The following ARMH4 variants were observed in gnomAD, a reference collection of about 807,000 sequenced individuals.
ARMH4 encodes armadillo like helical domain containing 4, also known as armadillo-like helical domain-containing protein 4.
ARMH4 carries 49 observed loss-of-function variants against 61.9 expected under a neutral mutation model. The observed-to-expected ratio is 0.79, with a 90% confidence interval of 0.63 to 1.00. The LOEUF (loss-of-function observed/expected upper bound fraction) is 1.00. ARMH4 is among the 50% of genes least tolerant of loss of function. ARMH4 has a pLI of 0.00. For missense variants in ARMH4, 934 were observed against 930.0 expected (o/e 1.00, Z -0.06); for synonymous variants, 368 against 341.5 (o/e 1.08, Z -0.85).
At chr14:58,012,272 T>A (rs3783689) in intron 5 of ARMH4, 122 bp from the exon 6 acceptor site, 106,242 of 533,938 alleles carry the variant, frequency 0.2, 13,320 homozygotes, top group East Asian at 0.55. Flanking sequence ...ATTAACAATA[T>A]AACATAATGA....
intron 5 of ARMH4, among the ~76,000 whole-genome samples, chr14:58,093,632 T>C (rs1885646923): frequency 1.3e-5 from 2 of 152,238 alleles, no homozygotes; most frequent in African/African-American, 4.8e-5. Flanking sequence ...AAAGAGTTTC[T>C]ACTATTTTAC....
At chr14:58,122,193 T>C (rs1394951564) in intron 4 of ARMH4, among the ~76,000 whole-genome samples, 2 of 152,218 alleles carry the variant, frequency 1.3e-5, no homozygotes, top group Non-Finnish European at 2.9e-5. Flanking sequence ...CACACTCTTC[T>C]TGATCTTTAA....
chr14:58,149,318 C>T (rs1203054192), intron 1 of ARMH4, among the ~76,000 whole-genome samples: 2 of 152,140 alleles, frequency 1.3e-5, no homozygotes, highest in Non-Finnish European at 2.9e-5. Context: ...TGCAGCTATA[C>T]TTCACCATAA....
chr14:58,092,725 C>T lies in ARMH4; in HGVS notation c.2089+3999G>A, dbSNP rs138518347. ...CATCTTCTTCTCTAACTCTGAACCT[C>T]CTACTTCCCTCTCATAAGAACCTTG... On this transcript the variant is annotated intron_variant, in intron 5 of 7. Coordinates refer to ENST00000267485, the MANE Select transcript of ARMH4 (RefSeq NM_001001872.4). 1.2e-3 allele frequency among the ~76,000 whole-genome samples: 183 copies of T among 152,236 alleles called. 1 individual carries two copies. Among genetic ancestry groups the T allele is most frequent in the Non-Finnish European group, 2.0e-3 (136 of 68,000 alleles).
chr14:58,040,048 T>C (rs531480712), intron 5 of ARMH4, among the ~76,000 whole-genome samples: 3 of 151,856 alleles, frequency 2.0e-5, no homozygotes, highest in African/African-American at 4.8e-5. Context: ...GAAAAGGAAA[T>C]GTAAATGAAC....
At chr14:58,043,544 C>A (rs908610542) in intron 5 of ARMH4, among the ~76,000 whole-genome samples, 3 of 152,180 alleles carry the variant, frequency 2.0e-5, no homozygotes, top group Non-Finnish European at 4.4e-5. Context: ...AAAACTGGCA[C>A]AAGACAGGGA....
intron 1 of ARMH4, among the ~76,000 whole-genome samples, chr14:58,143,592 T>C (rs1328751427): frequency 1.3e-5 from 2 of 151,930 alleles, no homozygotes; most frequent in African/African-American, 2.4e-5. Context: ...GCCTCCCAAA[T>C]AGGTGGGATT....
intron 5 of ARMH4, among the ~76,000 whole-genome samples, chr14:58,041,906 T>C (rs1024617324): frequency 6.6e-6 from 1 of 152,138 alleles, no homozygotes; most frequent in Admixed American, 6.5e-5. Context: ...CTATCTTAAA[T>C]ATATATGCAC....
chr14:58,138,638 A>G lies in ARMH4; in HGVS notation c.721T>C (p.Ser241Pro). The change falls in exon 2 of 8, where the codon TCC becomes CCC. Residue 241 changes from serine (S) to proline (P), a missense_variant. Ser to Pro is a moderately conservative substitution (Grantham distance 74). Transcript: ENST00000267485. Reference protein sequence around the residue: ...HRTTSFPGAESTAGSEPGSLT... With the variant: ...HRTTSFPGAEPTAGSEPGSLT... ...CTTCCAGGCTCACTGCCTGCTGTGG[A>G]CTCAGCACCAGGAAAAGAAGTTGTC... 2 of 1,614,052 alleles carry G rather than the reference A, an allele frequency of 1.2e-6. No individual in the cohort carries two copies. Among genetic ancestry groups the G allele is most frequent in the Non-Finnish European group, 8.5e-7 (1 of 1,179,976 alleles).
intron 4 of ARMH4, among the ~76,000 whole-genome samples, chr14:58,112,170 G>A (rs1435642245): frequency 6.6e-6 from 1 of 151,966 alleles, no homozygotes; most frequent in Non-Finnish European, 1.5e-5. Flanking sequence ...CTGATAAAGG[G>A]TGTCAACAAG....
At chr14:58,050,014 A>AT (rs540327434) in intron 5 of ARMH4, among the ~76,000 whole-genome samples, 172 of 152,218 alleles carry the variant, frequency 1.1e-3, no homozygotes, top group African/African-American at 3.8e-3. Context: ...TTTGGTCAAG[A>AT]TTTTTTTCTC....
At chr14:58,139,486 A>G (rs926299782) in intron 1 of ARMH4, 72 bp from the exon 2 acceptor site, 17 of 815,570 alleles carry the variant, frequency 2.1e-5, no homozygotes, top group South Asian at 1.1e-4. Context: ...AAATTAAACC[A>G]TAAGTAAAAT....
chr14:58,054,650 C>A (rs968398323), intron 5 of ARMH4, among the ~76,000 whole-genome samples: 1 of 152,066 alleles, frequency 6.6e-6, no homozygotes, highest in Non-Finnish European at 1.5e-5. Flanking sequence ...GTAATCCCAA[C>A]ACTTTGGCAG....
intron 5 of ARMH4, among the ~76,000 whole-genome samples, chr14:58,091,284 G>A (rs145327658): frequency 1.3e-5 from 2 of 152,206 alleles, no homozygotes; most frequent in African/African-American, 4.8e-5. Context: ...TGTCTTTTCT[G>A]TGAAACCTGA....
intron 4 of ARMH4, among the ~76,000 whole-genome samples, chr14:58,110,083 T>C (rs1309349163): frequency 2.6e-5 from 4 of 152,124 alleles, no homozygotes; most frequent in African/African-American, 9.7e-5. Flanking sequence ...CCTCGACACA[T>C]GGGGGATTAC....
chr14:58,113,424 C>T (rs966033634), intron 4 of ARMH4, among the ~76,000 whole-genome samples: 17 of 152,134 alleles, frequency 1.1e-4, no homozygotes, highest in African/African-American at 3.9e-4. Flanking sequence ...ATCAGTGTTA[C>T]TGTTAACACT....
rs565043089 is a variant in ARMH4 at position 58,021,963 on chromosome 14, T to C, written c.2090-9813A>G. On this transcript the variant is annotated intron_variant, in intron 5 of 7. Coordinates refer to ENST00000267485, the MANE Select transcript of ARMH4 (RefSeq NM_001001872.4). ...ATATTAATACACTGGTATAGTATAG[T>C]AGTTTCCTAAAGCTACTATAACAAT... Among the ~76,000 whole-genome samples the C allele has an allele frequency of 2.6e-5, 4 of 152,314 alleles. No homozygotes were observed. In the South Asian group the frequency reaches 6.2e-4, roughly 24 times the overall value.
chr14:58,032,344 A>C (rs1883275573), intron 5 of ARMH4, among the ~76,000 whole-genome samples: 1 of 152,194 alleles, frequency 6.6e-6, no homozygotes, highest in South Asian at 2.1e-4. Context: ...ATGAAGGGTA[A>C]GTCTATTGGA....
intron 1 of ARMH4, among the ~76,000 whole-genome samples, chr14:58,151,413 C>G (rs1288634756): frequency 6.6e-6 from 1 of 152,174 alleles, no homozygotes; most frequent in African/African-American, 2.4e-5. Context: ...CTCGCCTCCC[C>G]CAGGTCTAAC....
Sources: allele counts gnomAD v4.1 joint callset (sites outside exome capture counted in the v4.1 genomes callset), GRCh38; gene constraint gnomAD v4.1.1; transcripts MANE v1.5; gene names NCBI Gene and HGNC (gene_info 2026-07-23, HGNC 2026-07-21).